NIBAN2: variants seen among roughly 807,000 people sequenced by gnomAD.
The protein encoded by NIBAN2 is protein Niban 2.
NIBAN2 carries 36 observed loss-of-function variants against 81.8 expected under a neutral mutation model. The ratio of observed to expected loss-of-function variants is 0.44; its 90% CI spans 0.34 to 0.58. The LOEUF is 0.58. NIBAN2 is among the 20% of genes least tolerant of loss of function. The pLI, the probability that NIBAN2 is intolerant of heterozygous loss-of-function variation, is 0.02. For missense variants in NIBAN2, 897 were observed against 1,014.1 expected, an observed-to-expected ratio of 0.88 and a Z score of 1.57; for synonymous variants, 445 against 441.6, an observed-to-expected ratio of 1.01 and a Z score of -0.10.
chr9:127,564,879 A>C (rs557949032), intron 1 of NIBAN2, among the ~76,000 whole-genome samples: 6 of 151,794 alleles, frequency 4.0e-5, no homozygotes, highest in South Asian at 4.1e-4. Context: ...AAAAAAAAAA[A>C]ATCTGTTTTT....
chr9:127,537,559 T>C (rs1837301706), intron 1 of NIBAN2, among the ~76,000 whole-genome samples: 2 of 152,220 alleles, frequency 1.3e-5, no homozygotes, highest in African/African-American at 4.8e-5. Flanking sequence ...GTCCCTGCGT[T>C]TGATGGGGGG....
Position 127,523,843 on chromosome 9 carries a change from G to A in NIBAN2, c.425C>T (p.Thr142Ile), listed in dbSNP as rs747143090. 16 of 1,609,264 alleles carry A rather than the reference G, an allele frequency of 9.9e-6. No homozygotes were observed. Among genetic ancestry groups the A allele is most frequent in the Non-Finnish European group, 1.3e-5 (15 of 1,176,132 alleles). ...GGGGGCACTGCCCGACTTTGCCGTG[G>A]TCCCTGTGGAGACAGTGCCTGATGA... ...LELIGNSLPG[T>I]TAKSGSAPIL... is the part of the protein sequence containing the mutation. Residue 142 changes from threonine (T) to isoleucine (I), a missense_variant, in exon 5 of 14, where the codon ACC (threonine) becomes ATC (isoleucine). Coordinates refer to ENST00000373312, the MANE Select transcript of NIBAN2 (RefSeq NM_022833.4).
At chr9:127,571,663 T>C (rs1837947248), upstream of NIBAN2, among the ~76,000 whole-genome samples, 1 of 151,742 alleles carries the variant, frequency 6.6e-6, no homozygotes, top group Non-Finnish European at 1.5e-5. Flanking sequence ...GCCACTGCAC[T>C]CCAGCCTGGT....
At chr9:127,578,577 G>A (rs141051435) in intron 1 of NIBAN2, among the ~76,000 whole-genome samples, 4,017 of 151,072 alleles carry the variant, frequency 0.027, 143 homozygotes, top group African/African-American at 0.076. Context: ...CAGGAGAATC[G>A]CTTGAATCTG....
rs1588150656 is a variant in NIBAN2 at position 127,509,369 on chromosome 9, T to C, written c.1162-238A>G. The stretch of plus-strand genomic sequence containing the variant: ...GGCACAGCGCTGTGGAGAGGCAGCC[T>C]CGGTGCCGGCAGAAGGCACTCATCC... On this transcript the variant is annotated intron_variant, in intron 9 of 13. Transcript: ENST00000373312. Among the ~76,000 whole-genome samples the C allele has an allele frequency of 1.3e-5, 2 of 152,078 alleles. 1 individual carries two copies. The highest frequency in any genetic ancestry group is 4.1e-4 in the South Asian group (2 of 4,834).
rs575093704 is a variant in NIBAN2 at position 127,561,107 on chromosome 9, A to C, written c.55+7713T>G. On this transcript the variant is annotated intron_variant, in intron 1 of 13. Transcript: ENST00000373312. The stretch of plus-strand genomic sequence containing the variant: ...AACCCTTTTCCTCTGTGCACTGCCA[A>C]ATGCCAGGCACAGAGTGGATGCTGC... The C allele has an allele frequency of 9.0e-5, 89 of 985,132 alleles. No homozygotes were observed. In the South Asian group the frequency reaches 3.1e-3, roughly 35 times the overall value. 61.0% of individuals were successfully genotyped at this position (985,132 alleles called of 1,614,324 possible). A position where few individuals can be genotyped will look rare whatever the true frequency, so the allele number is the denominator to read the frequency against.
At chr9:127,515,567 T>A (rs540074897) in intron 8 of NIBAN2, among the ~76,000 whole-genome samples, 76 of 147,482 alleles carry the variant, frequency 5.2e-4, no homozygotes, top group African/African-American at 1.9e-3. Flanking sequence ...CCAGGCACAG[T>A]GGCTCACACC....
chr9:127,508,970 G>T lies in NIBAN2; in HGVS notation c.1317+6C>A. On this transcript the variant is annotated splice_donor_region_variant and intron_variant, in intron 10 of 13. Transcript: ENST00000373312. This position sits in a 1 kb window ranked among gnomAD's most constrained non-coding sequence, Gnocchi z 6.4. ...TGTGGGGTGGGGGTCGTAGCCTCGG[G>T]TCTACCTCCCGCATGTGGATCTGGG... is the stretch of plus-strand genomic sequence containing the variant. 6.2e-7 allele frequency: 1 copy of T among 1,613,514 alleles called. No homozygotes were observed. The highest frequency in any genetic ancestry group is 2.2e-5 in the East Asian group (1 of 44,872).
intron 1 of NIBAN2, among the ~76,000 whole-genome samples, chr9:127,561,539 T>C (rs1184796024): frequency 6.6e-6 from 1 of 152,172 alleles, no homozygotes; most frequent in Non-Finnish European, 1.5e-5. Flanking sequence ...GTTGACTAAC[T>C]TGCCCCCGAA....
chr9:127,522,373 C>G (rs2251551), intron 5 of NIBAN2, among the ~76,000 whole-genome samples: 85,900 of 152,010 alleles, frequency 0.57, 24,767 homozygotes, highest in Admixed American at 0.61. Flanking sequence ...CACCATGTGG[C>G]ACTGCGCCCA....
intron 1 of NIBAN2, among the ~76,000 whole-genome samples, chr9:127,542,785 C>T (rs559254441): frequency 1.3e-5 from 2 of 152,324 alleles, no homozygotes; most frequent in East Asian, 1.9e-4. Flanking sequence ...TGCAGTGGCA[C>T]GATCTTGGCT....
chr9:127,515,888 A>G (rs1367028856), intron 8 of NIBAN2, among the ~76,000 whole-genome samples: 1 of 152,062 alleles, frequency 6.6e-6, no homozygotes, highest in East Asian at 1.9e-4. Context: ...CTGTAATCCT[A>G]GCACTTTGGG....
intron 8 of NIBAN2, among the ~76,000 whole-genome samples, chr9:127,513,303 C>T (rs1411455053): frequency 6.6e-6 from 1 of 151,974 alleles, no homozygotes; most frequent in Non-Finnish European, 1.5e-5. Context: ...AGAGGGTAGT[C>T]GAGGGCGAGG....
upstream of NIBAN2, chr9:127,569,099 C>A (rs1311599460): frequency 2.7e-5 from 28 of 1,024,850 alleles, no homozygotes; most frequent in Non-Finnish European, 3.2e-5. Flanking sequence ...CTCGGCCCTG[C>A]ACCCCGGCGC....
chr9:127,533,227 T>C (rs1016844479), intron 1 of NIBAN2, among the ~76,000 whole-genome samples: 2 of 151,388 alleles, frequency 1.3e-5, no homozygotes, highest in Non-Finnish European at 2.9e-5. Flanking sequence ...GAGGCCGAGG[T>C]GGGCAGATCA....
chr9:127,509,822 C>T (rs1836698422), intron 9 of NIBAN2: 1 of 146,716 alleles, frequency 6.8e-6, no homozygotes, highest in African/African-American at 3.0e-5. Context: ...CTTCCCTCCT[C>T]TCCTTCCCTC....
intron 2 of NIBAN2, among the ~76,000 whole-genome samples, chr9:127,529,334 C>A (rs1298335139): frequency 2.0e-5 from 3 of 152,200 alleles, no homozygotes; most frequent in African/African-American, 7.2e-5. Context: ...CAAACAGTAC[C>A]GGCATAAGAT....
chr9:127,508,282 C>A lies in NIBAN2; in HGVS notation c.1435-82G>T. Reference sequence around the variant, plus strand: ...GGGTAGGACGAGGCCAGTGGTCTGACCCAAGCCTCCGAGTCCTCATCCGCA... The same window carrying A: ...GGGTAGGACGAGGCCAGTGGTCTGAACCAAGCCTCCGAGTCCTCATCCGCA... On this transcript the variant is annotated intron_variant, in intron 11 of 13. Transcript: ENST00000373312. The surrounding 1 kb of genome is among the most constrained non-coding windows in gnomAD (Gnocchi z 6.4). 1 of 1,369,830 alleles carries A rather than the reference C, an allele frequency of 7.3e-7. No homozygotes were observed. Among genetic ancestry groups the A allele is most frequent in the Non-Finnish European group, 1.0e-6 (1 of 971,226 alleles). The allele number at this position is 1,369,830 out of a possible 1,614,324, so 84.9% of individuals were successfully genotyped here.
intron 1 of NIBAN2, among the ~76,000 whole-genome samples, chr9:127,576,548 A>T (rs1453590619): frequency 1.3e-5 from 2 of 152,034 alleles, no homozygotes; most frequent in Non-Finnish European, 2.9e-5. Flanking sequence ...TGCCTCATTG[A>T]ATGGTCACAA....
Sources: allele counts gnomAD v4.1 joint callset (sites outside exome capture counted in the v4.1 genomes callset), GRCh38; gene constraint gnomAD v4.1.1; non-coding constraint Gnocchi (gnomAD v3.1); transcripts MANE v1.5; gene names NCBI Gene and HGNC (gene_info 2026-07-23, HGNC 2026-07-21).